The following ANKMY2 variants were observed in gnomAD, a reference collection of about 807,000 sequenced individuals.
The protein encoded by ANKMY2 is ankyrin repeat and MYND domain-containing protein 2.
Under a neutral mutation model 50.4 loss-of-function variants are expected in ANKMY2, and 36 were observed. The ratio of observed to expected loss-of-function variants is 0.71; its 90% CI spans 0.55 to 0.94. The LOEUF is 0.94. Among genes scored for constraint, ANKMY2 ranks in the 40% least tolerant of loss-of-function variants. The pLI is 0.00. For synonymous variants in ANKMY2, 187 were observed against 178.8 expected, an observed-to-expected ratio of 1.05 and a Z score of -0.36; for missense variants, 565 against 524.0, an observed-to-expected ratio of 1.08 and a Z score of -0.76.
At chr7:16,636,211 G>A (rs1200788187) in intron 2 of ANKMY2, among the ~76,000 whole-genome samples, 180 bp downstream of exon 2, 2 of 143,034 alleles carry the variant, frequency 1.4e-5, no homozygotes, top group South Asian at 4.5e-4. Context: ...GCTGAGGCAG[G>A]AGAATCACTT....
chr7:16,620,769 C>T (rs1053005223), intron 4 of ANKMY2, among the ~76,000 whole-genome samples: 1 of 151,976 alleles, frequency 6.6e-6, no homozygotes, highest in African/African-American at 2.4e-5. Context: ...TTTTAGATTA[C>T]AAAACAGAAC....
intron 8 of ANKMY2, 37 bp downstream of exon 8, chr7:16,604,684 C>T: frequency 6.2e-7 from 1 of 1,604,674 alleles, no homozygotes; most frequent in Non-Finnish European, 8.5e-7. Context: ...TGCATCTAAA[C>T]CAGAGGTCAA....
chr7:16,643,523 G>A (rs1781773498), intron 1 of ANKMY2, among the ~76,000 whole-genome samples: 2 of 152,024 alleles, frequency 1.3e-5, no homozygotes, highest in Non-Finnish European at 2.9e-5. Context: ...AGCGATGAAA[G>A]CATCAGTGCA....
chr7:16,617,293 T>C (rs1476744212), intron 4 of ANKMY2, among the ~76,000 whole-genome samples: 1 of 152,192 alleles, frequency 6.6e-6, no homozygotes, highest in African/African-American at 2.4e-5. Flanking sequence ...TCTTGAAGAT[T>C]CTATAAGGAG....
Position 16,609,833 on chromosome 7 carries a change from C to A in ANKMY2, c.747-68G>T, listed in dbSNP as rs939414001. The stretch of plus-strand genomic sequence containing the variant: ...AGCATTCTCTCCTAGTTGAACCCAA[C>A]AGTTTTTAGTAGTTTCTTCTGTTAC... On this transcript the variant is annotated intron_variant, in intron 6 of 9. Coordinates refer to ENST00000306999, the MANE Select transcript of ANKMY2 (RefSeq NM_020319.3). 4 of 1,542,760 alleles carry A rather than the reference C, an allele frequency of 2.6e-6. No homozygotes were observed. The Middle Eastern group carries it at 5.5e-4, about 213-fold the overall frequency.
At chr7:16,614,517 A>G (rs1434510181) in intron 5 of ANKMY2, among the ~76,000 whole-genome samples, 1 of 152,248 alleles carries the variant, frequency 6.6e-6, no homozygotes, top group African/African-American at 2.4e-5. Flanking sequence ...GGAACACACA[A>G]TGAGTAAATT....
intron 2 of ANKMY2, among the ~76,000 whole-genome samples, chr7:16,632,000 T>TA (rs905125559): frequency 6.6e-6 from 1 of 152,178 alleles, no homozygotes; most frequent in Non-Finnish European, 1.5e-5. Flanking sequence ...GTTATCTTAA[T>TA]AAAAAAGTTA....
intron 1 of ANKMY2, among the ~76,000 whole-genome samples, chr7:16,639,311 G>A (rs6965916): frequency 0.079 from 11,974 of 152,114 alleles, 913 homozygotes; most frequent in African/African-American, 0.19. Context: ...TGTTAAATCT[G>A]ATTTAACAAA....
intron 2 of ANKMY2, 116 bp from the exon 3 acceptor site, chr7:16,627,294 A>G (rs1781520099): frequency 3.4e-6 from 2 of 580,832 alleles, no homozygotes; most frequent in Non-Finnish European, 2.7e-6. Context: ...AATGGTCATT[A>G]TAATATGTAT....
chr7:16,645,410 C>G (rs1477572932), intron 1 of ANKMY2, 97 bp downstream of exon 1: 4 of 1,236,342 alleles, frequency 3.2e-6, no homozygotes, highest in Middle Eastern at 2.7e-4. Flanking sequence ...CTTGCAGAAC[C>G]GCAGCCAAAG....
chr7:16,632,029 T>C (rs1781594450), intron 2 of ANKMY2, among the ~76,000 whole-genome samples: 1 of 152,134 alleles, frequency 6.6e-6, no homozygotes, highest in Non-Finnish European at 1.5e-5. Context: ...TTCTTTATAA[T>C]TGCAGTTATG....
At chr7:16,629,184 T>C (rs1781544757) in intron 2 of ANKMY2, among the ~76,000 whole-genome samples, 1 of 152,220 alleles carries the variant, frequency 6.6e-6, no homozygotes, top group Admixed American at 6.5e-5. Flanking sequence ...GTTTACCAGC[T>C]GTCACCTTAG....
At chr7:16,614,345 C>T (rs1056437344) in intron 5 of ANKMY2, among the ~76,000 whole-genome samples, 2 of 152,198 alleles carry the variant, frequency 1.3e-5, no homozygotes, top group African/African-American at 4.8e-5. Flanking sequence ...AATTTGCCCA[C>T]TTAGTATCAC....
Position 16,645,597 on chromosome 7 carries a change from T to C in ANKMY2, c.-24A>G. On this transcript the variant is annotated 5_prime_UTR_variant, in exon 1 of 10. Transcript: ENST00000306999. ...ATTGCTCCCGCCAGCTTGAAGGTTA[T>C]TCCCTTTCTTAGGGAGTATTAAAAA... 1 of 1,607,498 alleles carries C rather than the reference T, an allele frequency of 6.2e-7. No homozygotes were observed. Among genetic ancestry groups the C allele is most frequent in the South Asian group, 1.1e-5 (1 of 90,294 alleles).
At chr7:16,616,572 G>A (rs55738641) in intron 4 of ANKMY2, among the ~76,000 whole-genome samples, 2 of 48,312 alleles carry the variant, frequency 4.1e-5, no homozygotes, top group Non-Finnish European at 8.3e-5. Flanking sequence ...CTCCTGCGGC[G>A]CCCCCCCCTC....
intron 4 of ANKMY2, among the ~76,000 whole-genome samples, chr7:16,624,221 T>C (rs1479299587): frequency 1.3e-5 from 2 of 152,196 alleles, no homozygotes; most frequent in African/African-American, 4.8e-5. Context: ...TTAGTCCCTA[T>C]ACGGCCACTT....
rs574149912 is a variant in ANKMY2 at position 16,610,342 on chromosome 7, C to T, written c.746+207G>A. On this transcript the variant is annotated intron_variant, in intron 6 of 9. Transcript: ENST00000306999. Reference sequence around the variant, plus strand: ...CTCATCTGTAAATTGCTGGTAACAACAAAAACATCACAGTAAAGGATACAG... The same window carrying T: ...CTCATCTGTAAATTGCTGGTAACAATAAAAACATCACAGTAAAGGATACAG... Among the ~76,000 whole-genome samples, 6 of 152,212 alleles carry T rather than the reference C, an allele frequency of 3.9e-5. No homozygotes were observed. In the East Asian group the frequency reaches 7.7e-4, roughly 20 times the overall value.
intron 2 of ANKMY2, among the ~76,000 whole-genome samples, chr7:16,628,630 A>G (rs1476863086): frequency 2.0e-5 from 3 of 152,062 alleles, no homozygotes; most frequent in African/African-American, 4.8e-5. Context: ...GACTAAGGTG[A>G]TATCTCCTAA....
intron 5 of ANKMY2, among the ~76,000 whole-genome samples, chr7:16,611,921 C>A (rs1781261234): frequency 6.6e-6 from 1 of 152,214 alleles, no homozygotes; most frequent in Non-Finnish European, 1.5e-5. Flanking sequence ...ACTTTCCCGC[C>A]TTTGGGTAGG....
Sources: gnomAD v4.1 joint callset for allele counts (sites outside exome capture counted in the v4.1 genomes callset) on GRCh38, gnomAD v4.1.1 for gene constraint, MANE v1.5 for transcripts, NCBI Gene and HGNC (gene_info 2026-07-23, HGNC 2026-07-21) for gene names.